The following BDNF variants were observed in gnomAD, a reference collection of about 807,000 sequenced individuals.
BDNF encodes neurotrophic factor BDNF precursor form.
A neutral mutation model predicts 19.5 loss-of-function variants in BDNF; 1 was observed. The observed-to-expected ratio is 0.05, with a 90% confidence interval of 0.02 to 0.24. The LOEUF is 0.24. Among genes scored for constraint, BDNF ranks in the 10% least tolerant of loss-of-function variants. The pLI is 1.00. For missense variants in BDNF, 195 were observed against 317.6 expected (o/e 0.61, Z 2.93); for synonymous variants, 100 against 121.6 (o/e 0.82, Z 1.17).
At chr11:27,671,982 G>A (rs377693706) in intron 1 of BDNF, among the ~76,000 whole-genome samples, 12 of 152,134 alleles carry the variant, frequency 7.9e-5, no homozygotes, top group African/African-American at 1.7e-4. Context: ...CTTTCTTAGC[G>A]TGTCATACGG....
chr11:27,678,312 G>C (rs1238814170), intron 1 of BDNF, among the ~76,000 whole-genome samples: 5 of 152,160 alleles, frequency 3.3e-5, no homozygotes, highest in Non-Finnish European at 5.9e-5. Flanking sequence ...CAACCCTGAG[G>C]GGGTGGCCAT....
At chr11:27,682,244 A>G (rs1240876642) in intron 1 of BDNF, among the ~76,000 whole-genome samples, 2 of 151,962 alleles carry the variant, frequency 1.3e-5, no homozygotes, top group South Asian at 2.1e-4. Context: ...TCTAAACCCA[A>G]CATAGGCCCA....
intron 1 of BDNF, among the ~76,000 whole-genome samples, chr11:27,668,278 G>T (rs979171420): frequency 3.9e-5 from 6 of 152,180 alleles, no homozygotes; most frequent in Admixed American, 6.5e-5. Context: ...AGTGTGTAGA[G>T]GGAAATTTAT....
At chr11:27,714,806 C>T (rs1303513510) in intron 1 of BDNF, among the ~76,000 whole-genome samples, 2 of 152,106 alleles carry the variant, frequency 1.3e-5, no homozygotes, top group Admixed American at 6.6e-5. Flanking sequence ...ATTCTGAGAA[C>T]ATCTCTTTTG....
At chr11:27,704,230 C>T (rs1029758508), upstream of BDNF, among the ~76,000 whole-genome samples, 1 of 152,126 alleles carries the variant, frequency 6.6e-6, no homozygotes, top group Non-Finnish European at 1.5e-5. Flanking sequence ...ACCTATTTCA[C>T]TTTTGTGGGG....
intron 1 of BDNF, among the ~76,000 whole-genome samples, chr11:27,710,891 C>T (rs1386526743): frequency 6.6e-6 from 1 of 152,188 alleles, no homozygotes; most frequent in Non-Finnish European, 1.5e-5. Context: ...AGGAGTCAGA[C>T]ATCATCCATT....
chr11:27,656,578 A>G lies in BDNF; in HGVS notation c.*1243T>C, dbSNP rs546059446. ...TCCTCCCGCACTGCCGGTAAATGCAATGCCAACTCCACATAGCCTCCATTT... is the reference window on the plus strand; with the variant it reads ...TCCTCCCGCACTGCCGGTAAATGCAGTGCCAACTCCACATAGCCTCCATTT... On this transcript the variant is annotated 3_prime_UTR_variant, in exon 2 of 2. Transcript: ENST00000356660. The G allele has an allele frequency of 6.1e-5, 60 of 985,762 alleles. No individual in the cohort carries two copies. Among genetic ancestry groups the G allele is most frequent in the African/African-American group, 1.7e-4 (10 of 57,300 alleles). 61.1% of individuals were successfully genotyped at this position (985,762 alleles called of 1,614,324 possible).
At chr11:27,701,078 T>A, upstream of BDNF, 1 of 1,333,974 alleles carries the variant, frequency 7.5e-7, no homozygotes, top group South Asian at 1.2e-5. Context: ...CACGCCGGCT[T>A]AAACAGAGTT....
At position 27,656,443 on chromosome 11, in the gene BDNF, C is replaced by T; in HGVS notation, c.*1378G>A. 1.4e-6 allele frequency: 1 copy of T among 720,082 alleles called. No individual in the cohort carries two copies. Among genetic ancestry groups the T allele is most frequent in the South Asian group, 6.2e-5 (1 of 16,106 alleles). The allele number at this position is 720,082 out of a possible 1,614,324, so 44.6% of individuals were successfully genotyped here. A position where few individuals can be genotyped will look rare whatever the true frequency, so the allele number is the denominator to read the frequency against. On this transcript the variant is annotated 3_prime_UTR_variant, in exon 2 of 2. Coordinates refer to ENST00000356660, the MANE Select transcript of BDNF (RefSeq NM_001709.5). ...AGCACGAGGTCCAAGCAGCTTGACA[C>T]ATGTCATTCCAGAGCCACCTCTGAA...
chr11:27,716,456 G>GAC (rs61227267), intron 1 of BDNF, among the ~76,000 whole-genome samples: 5,271 of 146,842 alleles, frequency 0.036, 143 homozygotes, highest in African/African-American at 0.077. Context: ...CACACACACA[G>GAC]ACACACACAC....
intron 1 of BDNF, among the ~76,000 whole-genome samples, chr11:27,683,232 C>T (rs1857066667): frequency 6.6e-6 from 1 of 152,188 alleles, no homozygotes; most frequent in Admixed American, 6.5e-5. Flanking sequence ...TGTTCATACC[C>T]TTCGCCCACT....
upstream of BDNF, among the ~76,000 whole-genome samples, chr11:27,703,306 T>C (rs1859985776): frequency 6.6e-6 from 1 of 152,162 alleles, no homozygotes; most frequent in Non-Finnish European, 1.5e-5. Context: ...AAAAAATACT[T>C]GTACTACATT....
intron 1 of BDNF, chr11:27,659,627 C>CTGTGTGTGTG (rs71449160): frequency 2.2e-6 from 2 of 917,172 alleles, no homozygotes; most frequent in Non-Finnish European, 1.3e-6. Flanking sequence ...GAGATGTTCT[C>CTGTGTGTGTG]TCTGTGTGTG....
At chr11:27,711,031 A>G (rs1387067046) in intron 1 of BDNF, among the ~76,000 whole-genome samples, 1 of 152,216 alleles carries the variant, frequency 6.6e-6, no homozygotes, top group Non-Finnish European at 1.5e-5. Flanking sequence ...GATGATAATT[A>G]TAATAATAAA....
intron 1 of BDNF, among the ~76,000 whole-genome samples, chr11:27,673,538 G>A (rs996901977): frequency 3.3e-5 from 5 of 152,198 alleles, no homozygotes; most frequent in Non-Finnish European, 7.3e-5. Flanking sequence ...TTTCTGCCAT[G>A]AAATGCTATG....
At chr11:27,703,687 T>C (rs1167283326), upstream of BDNF, among the ~76,000 whole-genome samples, 1 of 152,210 alleles carries the variant, frequency 6.6e-6, no homozygotes, top group Non-Finnish European at 1.5e-5. Context: ...CAGTGTGTGG[T>C]GCAGTTTTAC....
At chr11:27,697,283 C>A (rs900693859) in intron 1 of BDNF, among the ~76,000 whole-genome samples, 5 of 152,064 alleles carry the variant, frequency 3.3e-5, no homozygotes, top group African/African-American at 1.2e-4. Context: ...GCTCACTGTG[C>A]GTGCTGAACT....
At chr11:27,686,986 A>G (rs558538893) in intron 1 of BDNF, among the ~76,000 whole-genome samples, 4 of 152,150 alleles carry the variant, frequency 2.6e-5, no homozygotes, top group African/African-American at 9.6e-5. Flanking sequence ...CCTGGATAAT[A>G]TCCTAAGGAG....
intron 1 of BDNF, chr11:27,697,732 T>G (rs1349129444): frequency 1.3e-5 from 2 of 152,188 alleles, no homozygotes; most frequent in African/African-American, 4.8e-5. Flanking sequence ...TGACCTACTA[T>G]ACATGTTAAA....
Sources: gnomAD v4.1 joint callset for allele counts (sites outside exome capture counted in the v4.1 genomes callset) on GRCh38, gnomAD v4.1.1 for gene constraint, MANE v1.5 for transcripts, NCBI Gene and HGNC (gene_info 2026-07-23, HGNC 2026-07-21) for gene names.